Variants in PPP6R2 observed in about 807,000 individuals in gnomAD.
PPP6R2 encodes the protein protein phosphatase 6 regulatory subunit 2.
A neutral mutation model predicts 100.2 loss-of-function variants in PPP6R2; 62 were observed. The observed-to-expected ratio is 0.62, with a 90% CI of 0.50 to 0.76. The LOEUF is 0.76. Among genes scored for constraint, PPP6R2 ranks in the 30% least tolerant of loss-of-function variants. PPP6R2 has a pLI of 0.00. For missense variants in PPP6R2, 1,142 were observed against 1,276.3 expected (o/e 0.89, Z 1.60); for synonymous variants, 525 against 514.7 (o/e 1.02, Z -0.27).
chr22:50,350,959 T>A (rs1331677770), intron 1 of PPP6R2, among the ~76,000 whole-genome samples: 4 of 150,790 alleles, frequency 2.7e-5, no homozygotes, highest in African/African-American at 9.8e-5. Context: ...GGTGACTAGA[T>A]GCATGGTCAA....
chr22:50,365,672 C>CT (rs1387683265), intron 1 of PPP6R2, among the ~76,000 whole-genome samples: 1 of 144,014 alleles, frequency 6.9e-6, no homozygotes, highest in Non-Finnish European at 1.5e-5. Context: ...GAGCAAGACT[C>CT]TGTCTCAAAA....
At chr22:50,394,616 A>C (rs980878096) in intron 3 of PPP6R2, among the ~76,000 whole-genome samples, 3 of 148,746 alleles carry the variant, frequency 2.0e-5, no homozygotes, top group Non-Finnish European at 4.5e-5. Flanking sequence ...AAAAAAAAAA[A>C]AAAAAAAAGG....
chr22:50,418,738 A>G (rs1367204139), intron 6 of PPP6R2, 129 bp from the exon 7 acceptor site: 12 of 723,930 alleles, frequency 1.7e-5, no homozygotes, highest in Non-Finnish European at 2.9e-5. Context: ...TCACAGTGGT[A>G]TTGAACAACA....
intron 1 of PPP6R2, among the ~76,000 whole-genome samples, chr22:50,351,035 T>G (rs1020489887): frequency 3.3e-4 from 39 of 117,232 alleles, no homozygotes; most frequent in African/African-American, 5.4e-4. Context: ...TGTTTTTTTT[T>G]TTTTTTTTTT....
intron 17 of PPP6R2, 35 bp downstream of exon 17, chr22:50,437,935 C>T: frequency 6.4e-7 from 1 of 1,563,588 alleles, no homozygotes; most frequent in African/African-American, 1.4e-5. Flanking sequence ...TGCCGCCACC[C>T]TTTTCCCAGG....
the PPP6R2 span, among the ~76,000 whole-genome samples, chr22:50,336,914 C>A: frequency 6.6e-6 from 1 of 152,022 alleles, no homozygotes; most frequent in East Asian, 1.9e-4. Context: ...GCTGTGTTGC[C>A]CAGGCTAGAC....
chr22:50,370,493 T>C (rs1389926826), intron 1 of PPP6R2, among the ~76,000 whole-genome samples: 3 of 151,728 alleles, frequency 2.0e-5, no homozygotes, highest in Non-Finnish European at 2.9e-5. Flanking sequence ...TTCACTATGT[T>C]GGCCAGACTG....
At chr22:50,403,845 C>A (rs751577763) in intron 3 of PPP6R2, among the ~76,000 whole-genome samples, 54 of 152,164 alleles carry the variant, frequency 3.5e-4, no homozygotes, top group Admixed American at 5.9e-4. Context: ...GAGATCATTG[C>A]GTTTCTTCCC....
chr22:50,376,279 C>T (rs570516501), intron 2 of PPP6R2, among the ~76,000 whole-genome samples: 43 of 152,008 alleles, frequency 2.8e-4, no homozygotes, highest in Non-Finnish European at 4.1e-4. Context: ...ATGATTGCAC[C>T]GCTGCACTCC....
intron 2 of PPP6R2, among the ~76,000 whole-genome samples, chr22:50,392,677 G>C (rs2055881026): frequency 6.6e-6 from 1 of 152,222 alleles, no homozygotes; most frequent in South Asian, 2.1e-4. Context: ...CAGAGGACCT[G>C]GTGGCATGCT....
At chr22:50,354,867 C>CTTT (rs2046114850) in intron 1 of PPP6R2, among the ~76,000 whole-genome samples, 1 of 116,904 alleles carries the variant, frequency 8.6e-6, no homozygotes, top group African/African-American at 3.1e-5. Context: ...CCTGGATCAG[C>CTTT]CTTTTTTTTT....
At chr22:50,365,177 T>C (rs1170306585) in intron 1 of PPP6R2, among the ~76,000 whole-genome samples, 1 of 150,982 alleles carries the variant, frequency 6.6e-6, no homozygotes, top group Non-Finnish European at 1.5e-5. Flanking sequence ...GTTCAAGCAA[T>C]TCTCCTGCCT....
At chr22:50,412,954 CCTT>C (rs2059971240) in intron 4 of PPP6R2, among the ~76,000 whole-genome samples, 1 of 134,416 alleles carries the variant, frequency 7.4e-6, no homozygotes, top group Non-Finnish European at 1.6e-5. Flanking sequence ...CTAGATAAGT[CCTT>C]TTTTTTTTGT....
chr22:50,430,873 CA>C lies in PPP6R2; in HGVS notation c.1126-282del, dbSNP rs375308909. ...TGGGAGACAAAGCAAGACTCCGTCT[CA>C]AAAAAAAAAAAAAAAAAGAATAAAC... On this transcript the variant is annotated intron_variant, in intron 10 of 23. Transcript: ENST00000612753. Among the ~76,000 whole-genome samples the C allele has an allele frequency of 6.9e-3, 587 of 85,656 alleles. 1 individual carries two copies. The highest frequency in any genetic ancestry group is 0.02 in the African/African-American group (401 of 20,540). The allele number at this position is 85,656 out of a possible 152,430, so 56.2% of individuals were successfully genotyped here. A position where few individuals can be genotyped will look rare whatever the true frequency, so the allele number is the denominator to read the frequency against.
chr22:50,418,004 C>T (rs547155488), intron 6 of PPP6R2, among the ~76,000 whole-genome samples: 3 of 152,162 alleles, frequency 2.0e-5, no homozygotes, highest in South Asian at 2.1e-4. Flanking sequence ...TCACGGATTG[C>T]GTGTTAATGT....
At chr22:50,427,176 G>A (rs1333282683) in intron 10 of PPP6R2, among the ~76,000 whole-genome samples, 3 of 145,306 alleles carry the variant, frequency 2.1e-5, no homozygotes, top group African/African-American at 2.6e-5. Flanking sequence ...GCAACAGAGC[G>A]AGATTCCATC....
chr22:50,333,196 T>C, the PPP6R2 span, among the ~76,000 whole-genome samples: 1 of 152,120 alleles, frequency 6.6e-6, no homozygotes, highest in African/African-American at 2.4e-5. Flanking sequence ...CGATGATAAT[T>C]GTGAGGGTTT....
At chr22:50,386,801 G>A (rs1289640083) in intron 2 of PPP6R2, among the ~76,000 whole-genome samples, 2 of 152,180 alleles carry the variant, frequency 1.3e-5, no homozygotes, top group African/African-American at 4.8e-5. Flanking sequence ...GTCACATGAT[G>A]ATAGCTGGCT....
At chr22:50,394,309 T>C (rs2056270934) in intron 3 of PPP6R2, among the ~76,000 whole-genome samples, 174 bp downstream of exon 3, 1 of 152,270 alleles carries the variant, frequency 6.6e-6, no homozygotes, top group African/African-American at 2.4e-5. Context: ...TTGAAGAGTT[T>C]GGAGATTGGG....
Sources: allele counts gnomAD v4.1 joint callset (sites outside exome capture counted in the v4.1 genomes callset), GRCh38; gene constraint gnomAD v4.1.1; transcripts MANE v1.5; gene names NCBI Gene and HGNC (gene_info 2026-07-23, HGNC 2026-07-21).